ABAT: variants seen among roughly 807,000 people sequenced by gnomAD.
ABAT encodes the protein 4-aminobutyrate aminotransferase, mitochondrial.
In ABAT, 45 loss-of-function variants were observed where a neutral mutation model predicts 64.6. The observed-to-expected ratio is 0.70, with a 90% confidence interval of 0.55 to 0.89. The LOEUF (loss-of-function observed/expected upper bound fraction) is 0.89. Among genes scored for constraint, ABAT ranks in the 40% least tolerant of loss-of-function variants. The pLI is 0.00. For missense variants in ABAT, 633 were observed against 658.4 expected, an observed-to-expected ratio of 0.96 and a Z score of 0.42; for synonymous variants, 297 against 250.5, an observed-to-expected ratio of 1.19 and a Z score of -1.75.
At position 8,681,169 on chromosome 16, in the gene ABAT, G is replaced by T. The variant is rs530876456; in HGVS notation, c.-42+6458G>T. On this transcript the variant is annotated intron_variant, in intron 1 of 15. Transcript: ENST00000268251. ...ATTTTTTAAAAAGCATTTTTTTGTT[G>T]TTGTTGAGATGGAGTCTCCCTATGT... is the stretch of plus-strand genomic sequence containing the variant. 2.3e-4 allele frequency among the ~76,000 whole-genome samples: 35 copies of T among 151,766 alleles called. 1 individual carries two copies. The South Asian group carries it at 7.3e-3, about 32-fold the overall frequency.
chr16:8,691,137 G>T (rs2057570523), intron 1 of ABAT, among the ~76,000 whole-genome samples: 1 of 152,004 alleles, frequency 6.6e-6, no homozygotes, highest in Admixed American at 6.5e-5. Context: ...CACATAGCTT[G>T]ATGCTACAGC....
intron 13 of ABAT, among the ~76,000 whole-genome samples, chr16:8,775,645 C>T (rs1319125626): frequency 6.6e-6 from 1 of 152,192 alleles, no homozygotes; most frequent in Non-Finnish European, 1.5e-5. Flanking sequence ...TCAAGGTTGC[C>T]TCATGGTCCA....
At chr16:8,713,300 C>G (rs2058120496) in intron 1 of ABAT, 1 of 147,142 alleles carries the variant, frequency 6.8e-6, no homozygotes, top group Non-Finnish European at 1.5e-5. Context: ...AAAAAAAAAT[C>G]TAGGAAGAGG....
At chr16:8,771,290 C>G in intron 11 of ABAT, among the ~76,000 whole-genome samples, 1 of 147,644 alleles carries the variant, frequency 6.8e-6, no homozygotes, top group East Asian at 2.0e-4. Flanking sequence ...AGTAAAACTC[C>G]ATCTCAAAAA....
In ABAT at chr16:8,779,475, A is replaced by G. The variant is rs12447235; in HGVS notation, c.1270-4A>G. 99,825 of 1,613,414 alleles carry G rather than the reference A, an allele frequency of 0.062. 3,462 individuals carry two copies. Among genetic ancestry groups the G allele is most frequent in the African/African-American group, 0.095 (7,118 of 75,010 alleles). On this transcript the variant is annotated splice_region_variant and splice_polypyrimidine_tract_variant and intron_variant, in intron 14 of 15. Transcript: ENST00000268251. The stretch of plus-strand genomic sequence containing the variant: ...GACGCCAGCCTTGTCTCCTCCCACT[A>G]CAGGCCCGGTACCCCCAGTTCATCA...
rs1460426885 is a variant in ABAT at position 8,738,615 on chromosome 16, T to TG, written c.70+2807dup. ...CTTTTTTCTTTTTTGTTTTTGTTTTTGTTTTTGTTTTTGTTTTTTTTTTGG... is the reference window on the plus strand; with the variant it reads ...CTTTTTTCTTTTTTGTTTTTGTTTTTGGTTTTTGTTTTTGTTTTTTTTTTGG... On this transcript the variant is annotated intron_variant, in intron 2 of 15. Coordinates refer to ENST00000268251, the MANE Select transcript of ABAT (RefSeq NM_020686.6). Among the ~76,000 whole-genome samples, 600 of 133,574 alleles carry TG rather than the reference T, an allele frequency of 4.5e-3. 25 individuals carry two copies. Among genetic ancestry groups the TG allele is most frequent in the African/African-American group, 0.018 (538 of 29,504 alleles). The allele number at this position is 133,574 out of a possible 152,430, so 87.6% of individuals were successfully genotyped here. A position where few individuals can be genotyped will look rare whatever the true frequency, so the allele number is the denominator to read the frequency against.
intron 1 of ABAT, among the ~76,000 whole-genome samples, chr16:8,727,485 A>G (rs2058593434): frequency 6.6e-6 from 1 of 152,140 alleles, no homozygotes; most frequent in South Asian, 2.1e-4. Flanking sequence ...CACCTCCCTG[A>G]CATTGTCACC....
chr16:8,772,628 A>G, intron 11 of ABAT, 152 bp from the exon 12 acceptor site: 1 of 1,072,354 alleles, frequency 9.3e-7, no homozygotes, highest in Non-Finnish European at 1.4e-6. Context: ...CCACACACAT[A>G]GCTTCTAACA....
chr16:8,764,882 G>A lies in ABAT; in HGVS notation c.540+52G>A. On this transcript the variant is annotated intron_variant, in intron 8 of 15. Coordinates refer to ENST00000268251, the MANE Select transcript of ABAT (RefSeq NM_020686.6). The surrounding 1 kb of genome is among the most constrained non-coding windows in gnomAD (Gnocchi z 4.2). ...ACACACACAGGCTCCCCAGCACCCA[G>A]CCACACGCTCACCCCTTGTCTGACT... is the stretch of plus-strand genomic sequence containing the variant. 1 of 1,474,320 alleles carries A rather than the reference G, an allele frequency of 6.8e-7. No individual in the cohort carries two copies. The highest frequency in any genetic ancestry group is 1.4e-5 in the African/African-American group (1 of 72,022). 91.3% of individuals were successfully genotyped at this position (1,474,320 alleles called of 1,614,324 possible). A position where few individuals can be genotyped will look rare whatever the true frequency, so the allele number is the denominator to read the frequency against.
intron 1 of ABAT, among the ~76,000 whole-genome samples, chr16:8,717,817 A>G (rs1162120967): frequency 6.7e-6 from 1 of 149,240 alleles, no homozygotes; most frequent in Non-Finnish European, 1.5e-5. Flanking sequence ...ATCCCAAATC[A>G]CCTCTTTTTT....
chr16:8,675,078 G>C (rs1476343387), intron 1 of ABAT, among the ~76,000 whole-genome samples: 1 of 152,094 alleles, frequency 6.6e-6, no homozygotes, highest in Non-Finnish European at 1.5e-5. Context: ...AAGTTTGGGT[G>C]TCTTCCTTCT....
At chr16:8,750,276 G>A (rs1000462956) in intron 4 of ABAT, 146 bp from the exon 5 acceptor site, 3 of 755,778 alleles carry the variant, frequency 4.0e-6, no homozygotes, top group East Asian at 2.6e-5. Context: ...GCCAAAACAA[G>A]AAATACATTG....
intron 2 of ABAT, among the ~76,000 whole-genome samples, chr16:8,737,996 G>A (rs2059022011): frequency 9.2e-6 from 1 of 109,262 alleles, no homozygotes; most frequent in Admixed American, 9.4e-5. Context: ...AAGGAGGAAA[G>A]AAAGAAAGAA....
intron 1 of ABAT, among the ~76,000 whole-genome samples, chr16:8,682,245 G>A (rs111625843): frequency 1.3e-5 from 2 of 149,148 alleles, no homozygotes; most frequent in African/African-American, 4.9e-5. Flanking sequence ...CATTCAGGAT[G>A]TATTTGTTGG....
At chr16:8,742,383 G>C (rs193000842) in intron 2 of ABAT, among the ~76,000 whole-genome samples, 3 of 152,186 alleles carry the variant, frequency 2.0e-5, no homozygotes, top group African/African-American at 7.2e-5. Flanking sequence ...AGGAGGACGC[G>C]TGTGTCCTCA....
At chr16:8,767,827 C>G (rs1334481679) in intron 9 of ABAT, among the ~76,000 whole-genome samples, 3 of 152,036 alleles carry the variant, frequency 2.0e-5, no homozygotes, top group Non-Finnish European at 4.4e-5. Context: ...AGGCCCCCAC[C>G]ACCATGCCTG....
intron 1 of ABAT, among the ~76,000 whole-genome samples, chr16:8,676,150 T>C (rs1300990861): frequency 6.6e-6 from 1 of 151,718 alleles, no homozygotes; most frequent in African/African-American, 2.4e-5. Context: ...CGGCGTGGAG[T>C]CATAGAGAAA....
intron 5 of ABAT, among the ~76,000 whole-genome samples, chr16:8,751,099 C>T (rs1459690316): frequency 6.6e-6 from 1 of 152,066 alleles, no homozygotes; most frequent in Non-Finnish European, 1.5e-5. Context: ...CAGGCACACG[C>T]CACCATGCCT....
chr16:8,723,928 C>G (rs1405015434), intron 1 of ABAT, among the ~76,000 whole-genome samples: 1 of 148,304 alleles, frequency 6.7e-6, no homozygotes, highest in South Asian at 2.2e-4. Flanking sequence ...GCAACCCCCA[C>G]CTCCCGGGTT....
Sources: gnomAD v4.1 joint callset for allele counts (sites outside exome capture counted in the v4.1 genomes callset) on GRCh38, gnomAD v4.1.1 for gene constraint, Gnocchi (gnomAD v3.1) non-coding constraint, MANE v1.5 for transcripts, NCBI Gene and HGNC (gene_info 2026-07-23, HGNC 2026-07-21) for gene names.